The following NTMT1 variants were observed in gnomAD, a reference collection of about 807,000 sequenced individuals.
NTMT1 encodes the protein N-terminal Xaa-Pro-Lys N-methyltransferase 1, also known as N-terminal RCC1 methyltransferase.
A neutral mutation model predicts 17.5 loss-of-function variants in NTMT1; 8 were observed. That is an observed-to-expected ratio of 0.46 (90% CI 0.27 to 0.82). The LOEUF (loss-of-function observed/expected upper bound fraction) is 0.82. Ranked by LOEUF, NTMT1 falls within the 40% of genes least tolerant of loss-of-function variation. The pLI is 0.15. For synonymous variants in NTMT1, 128 were observed against 126.8 expected (o/e 1.01, Z -0.06); for missense variants, 221 against 303.5 (o/e 0.73, Z 2.02).
In NTMT1 at chr9:129,620,666, A is replaced by G. The variant is rs1333296128; in HGVS notation, c.-55+11488A>G. On this transcript the variant is annotated intron_variant, in intron 1 of 3. Transcript: ENST00000372486. This position sits in a 1 kb window ranked among gnomAD's most constrained non-coding sequence, Gnocchi z 5.8. ...GGAGGGCATAGTCCAGCCCCAGGCC[A>G]TAGTGCCCCGGGCGGGGCAGCGCGG... The G allele has an allele frequency of 9.4e-6, 11 of 1,171,178 alleles. No homozygotes were observed. The South Asian group carries it at 3.7e-4, about 39-fold the overall frequency. The allele number at this position is 1,171,178 out of a possible 1,614,324, so 72.5% of individuals were successfully genotyped here.
At chr9:129,624,260 G>A (rs181535626), upstream of NTMT1, among the ~76,000 whole-genome samples, 16 of 152,344 alleles carry the variant, frequency 1.1e-4, no homozygotes, top group African/African-American at 3.8e-4. Flanking sequence ...GAAGGGGCTT[G>A]CTCTTCTGTT....
At chr9:129,615,188 C>T (rs558394452) in intron 1 of NTMT1, among the ~76,000 whole-genome samples, 44 of 152,320 alleles carry the variant, frequency 2.9e-4, no homozygotes, top group South Asian at 1.0e-3. Context: ...CTGGAGGCTC[C>T]GGCTACGGGT....
chr9:129,625,964 ATCGC>A (rs1322381445), upstream of NTMT1, among the ~76,000 whole-genome samples: 1 of 151,114 alleles, frequency 6.6e-6, no homozygotes, highest in East Asian at 1.9e-4. Context: ...GTGAGCCGAG[ATCGC>A]GCCACTGCAC....
At chr9:129,628,746 C>G (rs1377121151) in intron 1 of NTMT1, 2 of 152,204 alleles carry the variant, frequency 1.3e-5, no homozygotes, top group Non-Finnish European at 2.9e-5. Flanking sequence ...TTATTCTGTT[C>G]ATTTGATCAG....
At chr9:129,634,338 T>A in intron 3 of NTMT1, 32 bp downstream of exon 3, 4 of 1,558,814 alleles carry the variant, frequency 2.6e-6, no homozygotes, top group Non-Finnish European at 3.5e-6. Context: ...CCTGCTCACC[T>A]GTATGTCTCC....
intron 1 of NTMT1, chr9:129,615,549 C>G (rs772422291): frequency 3.1e-6 from 5 of 1,610,660 alleles, no homozygotes; most frequent in Non-Finnish European, 4.2e-6. Flanking sequence ...GAATCGCACC[C>G]GGAAAGGGCA....
upstream of NTMT1, among the ~76,000 whole-genome samples, chr9:129,625,702 A>C (rs745954329): frequency 2.7e-5 from 4 of 147,964 alleles, no homozygotes; most frequent in Non-Finnish European, 6.0e-5. Flanking sequence ...CCCGTCTCTA[A>C]TTTTTTTTTT....
chr9:129,620,281 C>G lies in NTMT1; in HGVS notation c.-55+11103C>G. 7.8e-7 allele frequency: 1 copy of G among 1,275,044 alleles called. No individual in the cohort carries two copies. The highest frequency in any genetic ancestry group is 1.5e-5 in the African/African-American group (1 of 64,576). 79.0% of individuals were successfully genotyped at this position (1,275,044 alleles called of 1,614,324 possible). Reference sequence around the variant, plus strand: ...ACAGCAGGGGAGGCGGCAGCAGGGACCGCAGCAGCCCCCGCTTCCGCACGG... The same window carrying G: ...ACAGCAGGGGAGGCGGCAGCAGGGAGCGCAGCAGCCCCCGCTTCCGCACGG... On this transcript the variant is annotated intron_variant, in intron 1 of 3. Transcript: ENST00000372486. The surrounding 1 kb of genome is among the most constrained non-coding windows in gnomAD (Gnocchi z 5.8).
chr9:129,625,781 G>A (rs1250198264), upstream of NTMT1, among the ~76,000 whole-genome samples: 1 of 151,934 alleles, frequency 6.6e-6, no homozygotes, highest in Non-Finnish European at 1.5e-5. Flanking sequence ...GAAGGCAGAG[G>A]CGGGCGGATC....
chr9:129,611,321 GC>G (rs1367416050), intron 1 of NTMT1, among the ~76,000 whole-genome samples: 1 of 152,212 alleles, frequency 6.6e-6, no homozygotes. Context: ...AGAGGCGGCG[GC>G]TCAAACTTTC....
At chr9:129,619,706 C>T in intron 1 of NTMT1, 1 of 1,612,630 alleles carries the variant, frequency 6.2e-7, no homozygotes, top group South Asian at 1.1e-5. Context: ...TCGATGGCAA[C>T]CCCGTCCCCA....
chr9:129,631,200 T>C (rs1831148272), intron 1 of NTMT1, among the ~76,000 whole-genome samples: 1 of 152,254 alleles, frequency 6.6e-6, no homozygotes, highest in Non-Finnish European at 1.5e-5. Context: ...AGGAGATTCC[T>C]CTGCCCTTTG....
intron 2 of NTMT1, 134 bp from the exon 3 acceptor site, chr9:129,633,920 G>A (rs1831344776): frequency 9.9e-7 from 1 of 1,014,834 alleles, no homozygotes; most frequent in African/African-American, 1.6e-5. Context: ...AGCCAGCACA[G>A]ACCTCCCCAC....
At chr9:129,609,377 C>CT (rs1830064314) in intron 1 of NTMT1, among the ~76,000 whole-genome samples, 2 of 152,150 alleles carry the variant, frequency 1.3e-5, no homozygotes, top group Non-Finnish European at 2.9e-5. Context: ...GGCTGCCACT[C>CT]TCCCCTGCCC....
Position 129,620,743 on chromosome 9 carries a change from G to T in NTMT1, c.-55+11565G>T. On this transcript the variant is annotated intron_variant, in intron 1 of 3. Coordinates refer to the NTMT1 transcript ENST00000372486. This position sits in a 1 kb window ranked among gnomAD's most constrained non-coding sequence, Gnocchi z 5.8. ...GGACAGCGAGTGGCTTCAGGCGAGA[G>T]CTCCCAGAGCCTCTGTTTCCTCACC... 1 of 526,290 alleles carries T rather than the reference G, an allele frequency of 1.9e-6. No homozygotes were observed. The highest frequency in any genetic ancestry group is 2.9e-6 in the Non-Finnish European group (1 of 344,378). The allele number at this position is 526,290 out of a possible 1,614,324, so 32.6% of individuals were successfully genotyped here. A position where few individuals can be genotyped will look rare whatever the true frequency, so the allele number is the denominator to read the frequency against.
intron 1 of NTMT1, 51 bp from the exon 2 acceptor site, chr9:129,632,599 C>A (rs1831227370): frequency 1.5e-6 from 2 of 1,374,884 alleles, no homozygotes; most frequent in Non-Finnish European, 2.0e-6. Context: ...GCCCTGGGGG[C>A]CTTTCTGCCA....
chr9:129,615,566 C>T, intron 1 of NTMT1: 1 of 1,609,484 alleles, frequency 6.2e-7, no homozygotes, highest in Non-Finnish European at 8.5e-7. Flanking sequence ...GGCAACGCTG[C>T]CTGCAGGGCC....
intron 1 of NTMT1, chr9:129,612,979 G>A (rs893373000): frequency 4.9e-5 from 59 of 1,211,310 alleles, no homozygotes; most frequent in Non-Finnish European, 6.2e-5. Context: ...AAGCCCCCAC[G>A]GTGACTTGGC....
At chr9:129,621,973 C>T (rs1421999134), upstream of NTMT1, among the ~76,000 whole-genome samples, 1 of 152,198 alleles carries the variant, frequency 6.6e-6, no homozygotes, top group Non-Finnish European at 1.5e-5. Context: ...CATTGTGATC[C>T]GCCCCTCACC....
Sources: gnomAD v4.1 joint callset for allele counts (sites outside exome capture counted in the v4.1 genomes callset) on GRCh38, gnomAD v4.1.1 for gene constraint, Gnocchi (gnomAD v3.1) non-coding constraint, MANE v1.5 for transcripts, NCBI Gene and HGNC (gene_info 2026-07-23, HGNC 2026-07-21) for gene names.